GRIN3A: variants seen among roughly 807,000 people sequenced by gnomAD.
GRIN3A encodes the protein glutamate receptor ionotropic, NMDA 3A.
In GRIN3A, 47 loss-of-function variants were observed where a neutral mutation model predicts 92.4. The observed-to-expected ratio is 0.51, with a 90% CI of 0.40 to 0.65. The LOEUF (loss-of-function observed/expected upper bound fraction) is 0.65. GRIN3A is among the 30% of genes least tolerant of loss of function. GRIN3A has a pLI of 0.00. For missense variants in GRIN3A, 1,324 were observed against 1,393.1 expected (o/e 0.95, Z 0.79); for synonymous variants, 527 against 540.6 (o/e 0.97, Z 0.35).
At chr9:101,666,460 T>C (rs1215374192) in intron 3 of GRIN3A, among the ~76,000 whole-genome samples, 3 of 151,680 alleles carry the variant, frequency 2.0e-5, no homozygotes, top group African/African-American at 7.3e-5. Flanking sequence ...CATGGACACA[T>C]AGAGGGGAAT....
chr9:101,630,304 C>T lies in GRIN3A; in HGVS notation c.2353-1903G>A, dbSNP rs537254633. 1.4e-4 allele frequency among the ~76,000 whole-genome samples: 22 copies of T among 151,996 alleles called. No homozygotes were observed. In the South Asian group the frequency reaches 4.2e-3, roughly 29 times the overall value. The stretch of plus-strand genomic sequence containing the variant: ...AGCCTTTGGTCTTGTCTAGCTTCAC[C>T]CTCCTACCCAAAACAACAACAATAG... On this transcript the variant is annotated intron_variant, in intron 3 of 8. Transcript: ENST00000361820.
At chr9:101,583,930 C>T (rs971886385) in intron 6 of GRIN3A, among the ~76,000 whole-genome samples, 1 of 152,188 alleles carries the variant, frequency 6.6e-6, no homozygotes, top group Non-Finnish European at 1.5e-5. Flanking sequence ...AGTCTTGACT[C>T]ACTGCAACCT....
intron 6 of GRIN3A, among the ~76,000 whole-genome samples, chr9:101,600,375 G>T (rs923624579): frequency 6.6e-6 from 1 of 152,136 alleles, no homozygotes; most frequent in Admixed American, 6.5e-5. Context: ...ATATAATACT[G>T]ACCTAAAGTG....
chr9:101,632,302 G>A (rs776138988), intron 3 of GRIN3A, among the ~76,000 whole-genome samples: 1 of 152,038 alleles, frequency 6.6e-6, no homozygotes, highest in Non-Finnish European at 1.5e-5. Flanking sequence ...ACAACACTTG[G>A]GATTATTTTT....
At chr9:101,695,405 G>C (rs1485975195) in intron 1 of GRIN3A, among the ~76,000 whole-genome samples, 1 of 152,172 alleles carries the variant, frequency 6.6e-6, no homozygotes, top group African/African-American at 2.4e-5. Context: ...GAATAAGACA[G>C]TAGCAGACAA....
intron 6 of GRIN3A, among the ~76,000 whole-genome samples, chr9:101,591,093 T>A (rs1005612048): frequency 1.3e-5 from 2 of 152,198 alleles, no homozygotes; most frequent in African/African-American, 4.8e-5. Flanking sequence ...AACAACATAT[T>A]GTGACTGATC....
At chr9:101,699,104 G>A (rs1829722552) in intron 1 of GRIN3A, among the ~76,000 whole-genome samples, 1 of 152,018 alleles carries the variant, frequency 6.6e-6, no homozygotes, top group Admixed American at 6.6e-5. Context: ...GTACAAAAAT[G>A]TTTTCTTCCT....
chr9:101,676,374 A>G (rs1829394803), intron 2 of GRIN3A, among the ~76,000 whole-genome samples: 1 of 151,654 alleles, frequency 6.6e-6, no homozygotes. Flanking sequence ...ATTTTGTACT[A>G]CAAGGCCTTA....
intron 2 of GRIN3A, among the ~76,000 whole-genome samples, 181 bp from the exon 3 acceptor site, chr9:101,671,288 G>A (rs1829319445): frequency 6.6e-6 from 1 of 152,190 alleles, no homozygotes; most frequent in Non-Finnish European, 1.5e-5. Context: ...TAGGAGTAAA[G>A]TCCTATTGCA....
chr9:101,619,423 G>A (rs558703854), intron 5 of GRIN3A, among the ~76,000 whole-genome samples: 1 of 152,096 alleles, frequency 6.6e-6, no homozygotes, highest in Non-Finnish European at 1.5e-5. Flanking sequence ...CAGTTAATTG[G>A]TCTCAATGCA....
chr9:101,573,145 G>A lies in GRIN3A; in HGVS notation c.*29C>T. The A allele has an allele frequency of 6.4e-7, 1 of 1,572,646 alleles. No homozygotes were observed. The highest frequency in any genetic ancestry group is 8.8e-7 in the Non-Finnish European group (1 of 1,142,324). On this transcript the variant is annotated 3_prime_UTR_variant, in exon 9 of 9. Transcript: ENST00000361820. The stretch of plus-strand genomic sequence containing the variant: ...TCTCAAGGGCTCAGAGGAAGGTCAG[G>A]AACTGAGAAAGGGAAGCAGTGTGGT...
At chr9:101,607,482 C>G (rs759302080) in intron 6 of GRIN3A, among the ~76,000 whole-genome samples, 21 of 152,222 alleles carry the variant, frequency 1.4e-4, no homozygotes, top group Admixed American at 2.6e-4. Context: ...GTCAGGGGCA[C>G]CTGTTGGGAG....
chr9:101,728,124 C>T (rs891636778), intron 1 of GRIN3A, among the ~76,000 whole-genome samples: 2 of 152,044 alleles, frequency 1.3e-5, no homozygotes, highest in Admixed American at 1.3e-4. Context: ...AATAGCACTC[C>T]ACAACTAAGC....
At chr9:101,734,207 GGA>G (rs1479149621) in intron 1 of GRIN3A, among the ~76,000 whole-genome samples, 3 of 152,152 alleles carry the variant, frequency 2.0e-5, no homozygotes, top group African/African-American at 7.2e-5. Context: ...CATGTAGGAA[GGA>G]GAGAGAAAGA....
At chr9:101,581,705 G>C (rs774959036) in intron 6 of GRIN3A, among the ~76,000 whole-genome samples, 1 of 152,070 alleles carries the variant, frequency 6.6e-6, no homozygotes, top group Non-Finnish European at 1.5e-5. Context: ...ACCCAGTCTC[G>C]GGTATTTTGT....
intron 1 of GRIN3A, among the ~76,000 whole-genome samples, chr9:101,720,814 CAT>C (rs1403417447): frequency 2.0e-5 from 3 of 151,958 alleles, no homozygotes; most frequent in African/African-American, 7.3e-5. Context: ...CTCATGGAAA[CAT>C]AGAGGGGAAC....
At position 101,613,451 on chromosome 9, in the gene GRIN3A, A is replaced by G; in HGVS notation, c.2691T>C (p.His897=). The part of the protein sequence containing the change: ...ISELISQYKS[H]GFMDMLHDKW... ...TGTCATGGAGCATATCCATAAACCC[A>G]TGTGACTTGTATTGACTGATTAGCT... The change falls in exon 6 of 9, where the codon CAT becomes CAC. Residue 897 remains histidine, a synonymous_variant. Transcript: ENST00000361820. The G allele has an allele frequency of 6.2e-7, 1 of 1,614,138 alleles. No individual in the cohort carries two copies. Among genetic ancestry groups the G allele is most frequent in the African/African-American group, 1.3e-5 (1 of 75,056 alleles).
At chr9:101,663,666 C>T (rs1183111695) in intron 3 of GRIN3A, among the ~76,000 whole-genome samples, 2 of 150,116 alleles carry the variant, frequency 1.3e-5, no homozygotes, top group African/African-American at 4.9e-5. Context: ...TTCTCATTTC[C>T]TACTAAGGCT....
intron 1 of GRIN3A, among the ~76,000 whole-genome samples, chr9:101,726,701 T>A (rs956476199): frequency 6.6e-6 from 1 of 150,574 alleles, no homozygotes; most frequent in African/African-American, 2.4e-5. Context: ...TATTTAAAAA[T>A]TTTTAAAATT....
Sources: allele counts gnomAD v4.1 joint callset (sites outside exome capture counted in the v4.1 genomes callset), GRCh38; gene constraint gnomAD v4.1.1; transcripts MANE v1.5; gene names NCBI Gene and HGNC (gene_info 2026-07-23, HGNC 2026-07-21).